Variants in KCNK5 observed in about 807,000 individuals in gnomAD.
The protein encoded by KCNK5 is potassium two pore domain channel subfamily K member 5, also known as potassium channel subfamily K member 5.
A neutral mutation model predicts 32.9 loss-of-function variants in KCNK5; 18 were observed. The observed-to-expected ratio is 0.55, with a 90% CI of 0.38 to 0.81. KCNK5 has a LOEUF of 0.81. Ranked by LOEUF, KCNK5 falls within the 30% of genes least tolerant of loss-of-function variation. The probability of loss-of-function intolerance (pLI) is 0.00; values close to 1 mark genes in which losing one functional copy is unlikely to be tolerated. For missense variants in KCNK5, 507 were observed against 651.0 expected, an observed-to-expected ratio of 0.78 and a Z score of 2.41; for synonymous variants, 276 against 275.3, an observed-to-expected ratio of 1.00 and a Z score of -0.03.
At chr6:39,218,321 G>A (rs561238389) in intron 1 of KCNK5, among the ~76,000 whole-genome samples, 1 of 152,230 alleles carries the variant, frequency 6.6e-6, no homozygotes, top group South Asian at 2.1e-4. Flanking sequence ...CACCCGCCTA[G>A]GCCTCCCGAA....
chr6:39,217,533 T>C (rs1771464419), intron 1 of KCNK5, among the ~76,000 whole-genome samples: 1 of 152,176 alleles, frequency 6.6e-6, no homozygotes, highest in Admixed American at 6.5e-5. Context: ...TTAGCTCTAA[T>C]TGCTCTTTTA....
rs1771331630 is a variant in KCNK5, at chr6:39,211,190, G to C, written c.187-15203C>G. Among the ~76,000 whole-genome samples the C allele has an allele frequency of 3.9e-5, 6 of 152,200 alleles. No homozygotes were observed. The South Asian group carries it at 1.2e-3, about 32-fold the overall frequency. On this transcript the variant is annotated intron_variant, in intron 1 of 4. Transcript: ENST00000359534. ...CCATAAGAGCTGAGGGATACTTGGT[G>C]CTTCCCCGCAGAGTGGGGAGGCTGG...
At position 39,191,395 on chromosome 6, in the gene KCNK5, C is replaced by A; in HGVS notation, c.995G>T (p.Gly332Val). ...GPGPGLGPQG[G>V]GLPALPPSLV... ...GGAAGGGGGCAGTGCTGGGAGCCCA[C>A]CGCCTTGAGGCCCCAGCCCTGGGCC... The change falls in exon 5 of 5, where the codon GGT becomes GTT. Residue 332 changes from glycine to valine, a missense_variant. Transcript: ENST00000359534. The surrounding 1 kb of genome is among the most constrained non-coding windows in gnomAD (Gnocchi z 5.8). The A allele has an allele frequency of 1.2e-6, 2 of 1,613,346 alleles. No homozygotes were observed. Among genetic ancestry groups the A allele is most frequent in the South Asian group, 1.1e-5 (1 of 91,090 alleles).
At chr6:39,223,544 T>C (rs1435970619) in intron 1 of KCNK5, among the ~76,000 whole-genome samples, 1 of 152,226 alleles carries the variant, frequency 6.6e-6, no homozygotes, top group Non-Finnish European at 1.5e-5. Context: ...GTCTCCTACC[T>C]CACTTCTCTG....
At chr6:39,196,760 G>A (rs943740238) in intron 1 of KCNK5, among the ~76,000 whole-genome samples, 2 of 152,228 alleles carry the variant, frequency 1.3e-5, no homozygotes, top group African/African-American at 4.8e-5. Context: ...AGATCAGAGG[G>A]TGAGTACATT....
chr6:39,205,015 C>A (rs891197925), intron 1 of KCNK5, among the ~76,000 whole-genome samples: 7 of 152,252 alleles, frequency 4.6e-5, no homozygotes, highest in Non-Finnish European at 7.3e-5. Context: ...ACCCTGCCCG[C>A]ATTGTTCTCA....
chr6:39,197,516 C>T (rs563355542), intron 1 of KCNK5, among the ~76,000 whole-genome samples: 1 of 152,208 alleles, frequency 6.6e-6, no homozygotes, highest in Non-Finnish European at 1.5e-5. Context: ...AGCCCCTGCC[C>T]TCAGAGAGCT....
intron 1 of KCNK5, among the ~76,000 whole-genome samples, chr6:39,212,327 T>C (rs1365336111): frequency 6.6e-6 from 1 of 152,146 alleles, no homozygotes; most frequent in Non-Finnish European, 1.5e-5. Context: ...TGATTAGTAA[T>C]ATCAAGTCAA....
At chr6:39,217,946 T>C (rs1374394081) in intron 1 of KCNK5, among the ~76,000 whole-genome samples, 3 of 152,162 alleles carry the variant, frequency 2.0e-5, no homozygotes, top group African/African-American at 7.2e-5. Flanking sequence ...GAGGAGAAGC[T>C]GGTGCTCAAG....
chr6:39,192,135 A>C (rs1479453836), intron 4 of KCNK5, among the ~76,000 whole-genome samples: 1 of 151,930 alleles, frequency 6.6e-6, no homozygotes, highest in East Asian at 1.9e-4. Flanking sequence ...CTCCACTAAC[A>C]ATACAAAAAT....
rs934146177 is a variant in KCNK5, at chr6:39,191,249, G to C, written c.1141C>G (p.Pro381Ala). The C allele has an allele frequency of 6.2e-7, 1 of 1,614,104 alleles. No individual in the cohort carries two copies. The highest frequency in any genetic ancestry group is 8.5e-7 in the Non-Finnish European group (1 of 1,180,038). The change falls in exon 5 of 5, where the codon CCT becomes GCT. Residue 381 changes from proline to alanine, a missense_variant. By Grantham distance (27) the Pro-to-Ala change is conservative. Coordinates refer to ENST00000359534, the MANE Select transcript of KCNK5 (RefSeq NM_003740.4). This position sits in a 1 kb window ranked among gnomAD's most constrained non-coding sequence, Gnocchi z 5.8. ...SPDEEAVARA[P>A]EDSSPAPEVF... Reference sequence around the variant, plus strand: ...TCGGGGGCAGGGGAGCTGTCTTCAGGGGCCCGTGCCACAGCCTCCTCATCT... The same window carrying C: ...TCGGGGGCAGGGGAGCTGTCTTCAGCGGCCCGTGCCACAGCCTCCTCATCT...
intron 1 of KCNK5, among the ~76,000 whole-genome samples, chr6:39,211,891 G>A (rs1409833272): frequency 6.6e-6 from 1 of 152,128 alleles, no homozygotes; most frequent in African/African-American, 2.4e-5. Flanking sequence ...TTGAACCCAG[G>A]AGACGGAGGT....
At position 39,199,403 on chromosome 6, in the gene KCNK5, A is replaced by AGGCCCT. The variant is rs1194992063; in HGVS notation, c.187-3422_187-3417dup. ...CCTTTGGGGACCAGCTGGCAGCCTC[A>AGGCCCT]GGCCCTGGCTTATCAGGCAGCCACA... On this transcript the variant is annotated intron_variant, in intron 1 of 4. Coordinates refer to ENST00000359534, the MANE Select transcript of KCNK5 (RefSeq NM_003740.4). 3.9e-5 allele frequency among the ~76,000 whole-genome samples: 6 copies of AGGCCCT among 152,208 alleles called. No homozygotes were observed. In the South Asian group the frequency reaches 1.2e-3, roughly 31 times the overall value.
chr6:39,217,178 C>T (rs1771455825), intron 1 of KCNK5, among the ~76,000 whole-genome samples: 1 of 146,000 alleles, frequency 6.8e-6, no homozygotes, highest in African/African-American at 2.5e-5. Context: ...TATTAGTGTG[C>T]AGGGGTGTGG....
chr6:39,204,788 T>G (rs1160218882), intron 1 of KCNK5, among the ~76,000 whole-genome samples: 4 of 152,246 alleles, frequency 2.6e-5, no homozygotes, highest in Non-Finnish European at 5.9e-5. Flanking sequence ...CAGGCAGAAC[T>G]GTCCTCTTGT....
At position 39,199,520 on chromosome 6, in the gene KCNK5, C is replaced by T. The variant is rs544309949; in HGVS notation, c.187-3533G>A. ...GAGGCACTGGAGAGAGCCCCTAACT[C>T]CCCGGGGCTGCAAGCACTACTCATT... On this transcript the variant is annotated intron_variant, in intron 1 of 4. Transcript: ENST00000359534. Among the ~76,000 whole-genome samples the T allele has an allele frequency of 3.9e-5, 6 of 152,318 alleles. No homozygotes were observed. In the South Asian group the frequency reaches 1.2e-3, roughly 32 times the overall value.
chr6:39,203,069 G>A (rs965481587), intron 1 of KCNK5, among the ~76,000 whole-genome samples: 10 of 152,266 alleles, frequency 6.6e-5, no homozygotes, highest in Middle Eastern at 3.4e-3. Context: ...TGAGACCCAG[G>A]AGCAAAGCTG....
intron 1 of KCNK5, among the ~76,000 whole-genome samples, chr6:39,202,601 G>A (rs746112132): frequency 6.6e-6 from 1 of 152,168 alleles, no homozygotes; most frequent in African/African-American, 2.4e-5. Context: ...TGTCCCCTTG[G>A]GAAACTCCAC....
intron 1 of KCNK5, among the ~76,000 whole-genome samples, chr6:39,197,790 CA>C (rs1771054540): frequency 6.6e-6 from 1 of 152,072 alleles, no homozygotes; most frequent in South Asian, 2.1e-4. Context: ...GACCGGCCTA[CA>C]AGAAAAGAGT....
Sources: gnomAD v4.1 joint callset for allele counts (sites outside exome capture counted in the v4.1 genomes callset) on GRCh38, gnomAD v4.1.1 for gene constraint, Gnocchi (gnomAD v3.1) non-coding constraint, MANE v1.5 for transcripts, NCBI Gene and HGNC (gene_info 2026-07-23, HGNC 2026-07-21) for gene names.